PPDPFL: variants seen among roughly 807,000 people sequenced by gnomAD.
PPDPFL encodes the protein pancreatic progenitor cell differentiation and proliferation factor-like protein.
A neutral mutation model predicts 12.6 loss-of-function variants in PPDPFL; 12 were observed. The ratio of observed to expected loss-of-function variants is 0.95; its 90% CI spans 0.61 to 1.54. PPDPFL has a LOEUF of 1.54. Ranked by LOEUF, PPDPFL falls within the 40% of genes most tolerant of loss-of-function variation. The pLI is 0.00. For missense variants in PPDPFL, 114 were observed against 96.0 expected (o/e 1.19, Z -0.78); for synonymous variants, 24 against 32.7 (o/e 0.73, Z 0.91).
intron 1 of PPDPFL, among the ~76,000 whole-genome samples, chr8:49,057,014 C>A (rs1282308447): frequency 1.3e-5 from 2 of 152,166 alleles, no homozygotes; most frequent in Non-Finnish European, 2.9e-5. Context: ...TGTTGCTGGA[C>A]TTGAAATCAC....
chr8:49,066,365 G>T (rs1808300404), intron 1 of PPDPFL, among the ~76,000 whole-genome samples: 1 of 152,164 alleles, frequency 6.6e-6, no homozygotes, highest in African/African-American at 2.4e-5. Flanking sequence ...CATCATAGTT[G>T]ACAGCAGGAC....
At chr8:49,061,746 A>C (rs1808208361) in intron 1 of PPDPFL, among the ~76,000 whole-genome samples, 1 of 152,154 alleles carries the variant, frequency 6.6e-6, no homozygotes, top group Non-Finnish European at 1.5e-5. Context: ...CTTGTGGCTA[A>C]ATGATAAAAA....
chr8:49,068,719 G>A (rs1367032396), upstream of PPDPFL, among the ~76,000 whole-genome samples: 1 of 152,006 alleles, frequency 6.6e-6, no homozygotes, highest in Admixed American at 6.6e-5. Flanking sequence ...TAGTAAATTG[G>A]AAGAAACACT....
chr8:49,072,894 C>G lies in PPDPFL; in HGVS notation c.55+9C>G, dbSNP rs747177050. The G allele has an allele frequency of 6.2e-6, 10 of 1,602,514 alleles. No individual in the cohort carries two copies. The highest frequency in any genetic ancestry group is 8.5e-6 in the Non-Finnish European group (10 of 1,173,982). ...AAATCAGTATTATCGAAGTAAGTTG[C>G]ATCATCATAGAGACGTCCCTAGATA... On this transcript the variant is annotated intron_variant, in intron 2 of 4. Transcript: ENST00000522267.
Position 49,072,774 on chromosome 8 carries a change from G to C in PPDPFL, c.-44-13G>C. ...ATTCATATCAATGTCTCTTTTCTCT[G>C]TCGCTGTTTCAGATTAATGCTCACA... On this transcript the variant is annotated splice_polypyrimidine_tract_variant and intron_variant, in intron 1 of 4. Coordinates refer to ENST00000522267, the MANE Select transcript of PPDPFL (RefSeq NM_001256597.2). 1 of 1,348,938 alleles carries C rather than the reference G, an allele frequency of 7.4e-7. No homozygotes were observed. The highest frequency in any genetic ancestry group is 1.3e-5 in the South Asian group (1 of 74,746). 83.6% of individuals were successfully genotyped at this position (1,348,938 alleles called of 1,614,324 possible). A position where few individuals can be genotyped will look rare whatever the true frequency, so the allele number is the denominator to read the frequency against.
upstream of PPDPFL, among the ~76,000 whole-genome samples, chr8:49,071,044 C>T (rs1031958556): frequency 2.6e-5 from 4 of 152,158 alleles, no homozygotes; most frequent in East Asian, 1.9e-4. Context: ...CCCCGATCTC[C>T]CTGCCTCGGG....
intron 2 of PPDPFL, among the ~76,000 whole-genome samples, chr8:49,073,124 T>G (rs565874643): frequency 6.6e-6 from 1 of 152,372 alleles, no homozygotes; most frequent in East Asian, 1.9e-4. Flanking sequence ...GAACATCGGC[T>G]TATGTTTCAT....
Position 49,074,045 on chromosome 8 carries a change from T to C in PPDPFL, c.56-14T>C, listed in dbSNP as rs192394501. ...CCAGTTATTTATTTGTTTAATATCA[T>C]TTGTTTCCTACAGAGTCCAGTGTTT... On this transcript the variant is annotated splice_polypyrimidine_tract_variant and intron_variant, in intron 2 of 4. Coordinates refer to ENST00000522267, the MANE Select transcript of PPDPFL (RefSeq NM_001256597.2). 3 of 1,583,398 alleles carry C rather than the reference T, an allele frequency of 1.9e-6. No homozygotes were observed. Among genetic ancestry groups the C allele is most frequent in the East Asian group, 2.2e-5 (1 of 44,692 alleles).
chr8:49,074,599 CG>C, intron 4 of PPDPFL: 4 of 1,535,806 alleles, frequency 2.6e-6, no homozygotes, highest in Non-Finnish European at 3.5e-6. Flanking sequence ...CATTGTTTGG[CG>C]GGGGATGGAC....
rs181150025 is a variant in PPDPFL at position 49,064,110 on chromosome 8, T to C, written c.-44-8677T>C. On this transcript the variant is annotated intron_variant, in intron 1 of 4. Transcript: ENST00000517663. ...TAAACTAGCCAGACAACTGGTACCA[T>C]GTGGCTTAAGACCTCAGGAATGCAA... Among the ~76,000 whole-genome samples, 137 of 152,240 alleles carry C rather than the reference T, an allele frequency of 9.0e-4. 1 individual carries two copies. The highest frequency in any genetic ancestry group is 6.5e-4 in the Admixed American group (10 of 15,290).
At chr8:49,071,524 C>A (rs1469166357), upstream of PPDPFL, among the ~76,000 whole-genome samples, 1 of 152,054 alleles carries the variant, frequency 6.6e-6, no homozygotes, top group South Asian at 2.1e-4. Context: ...GGCATGGTAG[C>A]GCGTGCCTGT....
At chr8:49,065,089 G>A (rs569972247) in intron 1 of PPDPFL, among the ~76,000 whole-genome samples, 30 of 152,252 alleles carry the variant, frequency 2.0e-4, no homozygotes, top group Admixed American at 1.8e-3. Flanking sequence ...AGCCAGTTAT[G>A]TTCATTTAGT....
Position 49,074,407 on chromosome 8 carries a change from C to G in PPDPFL, c.233+74C>G. Reference sequence around the variant, plus strand: ...AATAATGCATATGGTATGTGTTATGCTACTCACTTAGGGTACATAGTTGTC... The same window carrying G: ...AATAATGCATATGGTATGTGTTATGGTACTCACTTAGGGTACATAGTTGTC... On this transcript the variant is annotated intron_variant, in intron 4 of 4. Coordinates refer to ENST00000522267, the MANE Select transcript of PPDPFL (RefSeq NM_001256597.2). 16 of 1,571,582 alleles carry G rather than the reference C, an allele frequency of 1.0e-5. 2 individuals carry two copies. In the South Asian group the frequency reaches 1.8e-4, roughly 18 times the overall value.
intron 1 of PPDPFL, among the ~76,000 whole-genome samples, chr8:49,064,720 C>T (rs958882051): frequency 1.3e-5 from 2 of 152,178 alleles, no homozygotes; most frequent in Non-Finnish European, 2.9e-5. Flanking sequence ...TGAGTTCCTA[C>T]AGTCAGATAA....
At chr8:49,062,958 C>T (rs527428030) in intron 1 of PPDPFL, among the ~76,000 whole-genome samples, 19 of 152,130 alleles carry the variant, frequency 1.2e-4, no homozygotes, top group East Asian at 3.8e-4. Context: ...TGTAACACCA[C>T]GGGAAGTGCA....
chr8:49,066,301 G>A (rs1158075498), intron 1 of PPDPFL, among the ~76,000 whole-genome samples: 1 of 152,202 alleles, frequency 6.6e-6, no homozygotes, highest in South Asian at 2.1e-4. Context: ...CCAATCGCCT[G>A]GCCTAGGGTT....
chr8:49,073,822 G>A (rs1054988368), intron 2 of PPDPFL, among the ~76,000 whole-genome samples: 1 of 152,136 alleles, frequency 6.6e-6, no homozygotes, highest in African/African-American at 2.4e-5. Context: ...TGATATCCAA[G>A]GAGAGAGTGA....
chr8:49,066,326 G>C (rs1808299795), intron 1 of PPDPFL, among the ~76,000 whole-genome samples: 1 of 152,348 alleles, frequency 6.6e-6, no homozygotes. Context: ...ACTAAGTTCA[G>C]CCCGCTGGGG....
At chr8:49,074,604 G>A in intron 4 of PPDPFL, 1 of 1,535,958 alleles carries the variant, frequency 6.5e-7, no homozygotes, top group East Asian at 2.4e-5. Flanking sequence ...TTTGGCGGGG[G>A]ATGGACTGAG....
Sources: gnomAD v4.1 joint callset for allele counts (sites outside exome capture counted in the v4.1 genomes callset) on GRCh38, gnomAD v4.1.1 for gene constraint, MANE v1.5 for transcripts, NCBI Gene and HGNC (gene_info 2026-07-23, HGNC 2026-07-21) for gene names.